The following SPRED1 variants were observed in gnomAD, a reference collection of about 807,000 sequenced individuals.
The protein encoded by SPRED1 is sprouty related EVH1 domain containing 1.
SPRED1 carries 18 observed loss-of-function variants against 52.3 expected under a neutral mutation model. That is an observed-to-expected ratio of 0.34 (90% CI 0.24 to 0.51). The LOEUF is 0.51. Ranked by LOEUF, SPRED1 falls within the 20% of genes least tolerant of loss-of-function variation. SPRED1 has a pLI of 0.97. For synonymous variants in SPRED1, 155 were observed against 179.7 expected (o/e 0.86, Z 1.10); for missense variants, 485 against 551.0 (o/e 0.88, Z 1.20).
At chr15:38,275,062 CATCTG>C (rs1368565999) in intron 1 of SPRED1, among the ~76,000 whole-genome samples, 1 of 152,314 alleles carries the variant, frequency 6.6e-6, no homozygotes, top group East Asian at 1.9e-4. Context: ...CTATTTTTAG[CATCTG>C]CTGATGATTC....
At chr15:38,260,306 A>T (rs1229289889) in intron 1 of SPRED1, among the ~76,000 whole-genome samples, 1 of 152,196 alleles carries the variant, frequency 6.6e-6, no homozygotes, top group Non-Finnish European at 1.5e-5. Flanking sequence ...GGAGCTGCAT[A>T]ATTCCATGTC....
At chr15:38,325,081 A>T (rs8036371) in intron 4 of SPRED1, among the ~76,000 whole-genome samples, 1 of 151,900 alleles carries the variant, frequency 6.6e-6, no homozygotes, top group Non-Finnish European at 1.5e-5. Flanking sequence ...GAAGCAACCC[A>T]CCCACCTCCC....
At position 38,299,025 on chromosome 15, in the gene SPRED1, A is replaced by G. The variant is rs565961607; in HGVS notation, c.33-348A>G. 4.6e-5 allele frequency among the ~76,000 whole-genome samples: 7 copies of G among 152,258 alleles called. No homozygotes were observed. In the East Asian group the frequency reaches 1.2e-3, roughly 25 times the overall value. On this transcript the variant is annotated intron_variant, in intron 1 of 6. Coordinates refer to ENST00000299084, the MANE Select transcript of SPRED1 (RefSeq NM_152594.3). ...TGTAGCAAATGGACATATATAGACAAGTTTTATGGTACCCTGTGTAGTTTG... is the reference window on the plus strand; with the variant it reads ...TGTAGCAAATGGACATATATAGACAGGTTTTATGGTACCCTGTGTAGTTTG...
At chr15:38,349,572 GA>G (rs764046710) in intron 6 of SPRED1, 49 bp downstream of exon 6, 9 of 1,246,008 alleles carry the variant, frequency 7.2e-6, no homozygotes, top group African/African-American at 4.5e-5. Context: ...CTAATTAATA[GA>G]TAGGTAAAGT....
Position 38,277,781 on chromosome 15 carries a change from T to C in SPRED1, c.33-21592T>C, listed in dbSNP as rs987719291. Among the ~76,000 whole-genome samples, 105 of 152,328 alleles carry C rather than the reference T, an allele frequency of 6.9e-4. 1 individual carries two copies. Among genetic ancestry groups the C allele is most frequent in the Middle Eastern group, 3.4e-3 (1 of 294 alleles). On this transcript the variant is annotated intron_variant, in intron 1 of 6. Transcript: ENST00000299084. ...TTCATATCCTTGCCAGCATCTGTTATTTTTTGACTTTTTAAGAATAGCTAT... is the reference window on the plus strand; with the variant it reads ...TTCATATCCTTGCCAGCATCTGTTACTTTTTGACTTTTTAAGAATAGCTAT...
intron 2 of SPRED1, among the ~76,000 whole-genome samples, chr15:38,321,115 C>T (rs1895593662): frequency 6.6e-6 from 1 of 152,126 alleles, no homozygotes; most frequent in Admixed American, 6.5e-5. Context: ...AGGAAATATA[C>T]TCAAGTGTGT....
chr15:38,353,116 A>C lies in SPRED1; in HGVS notation c.*1452A>C, dbSNP rs751531938. 6 of 152,454 alleles carry C rather than the reference A, an allele frequency of 3.9e-5. No individual in the cohort carries two copies. Among genetic ancestry groups the C allele is most frequent in the Non-Finnish European group, 8.8e-5 (6 of 67,924 alleles). The allele number at this position is 152,454 out of a possible 1,614,324, so 9.4% of individuals were successfully genotyped here. A position where few individuals can be genotyped will look rare whatever the true frequency, so the allele number is the denominator to read the frequency against. The stretch of plus-strand genomic sequence containing the variant: ...GGGTTCTTTAAGAACATTCCCTTAG[A>C]GGGATAAAGTTGAGAAGTGTGCCTT... On this transcript the variant is annotated 3_prime_UTR_variant, in exon 7 of 7. Transcript: ENST00000299084.
intron 1 of SPRED1, among the ~76,000 whole-genome samples, chr15:38,285,055 A>G (rs115585464): frequency 3.3e-5 from 5 of 151,880 alleles, no homozygotes; most frequent in Admixed American, 1.3e-4. Flanking sequence ...TATTTTTTTT[A>G]AATATATTTT....
At chr15:38,281,559 ATTTTTT>A (rs542005244) in intron 1 of SPRED1, among the ~76,000 whole-genome samples, 8 of 100,726 alleles carry the variant, frequency 7.9e-5, no homozygotes, top group East Asian at 7.2e-4. Flanking sequence ...TGCCCATCTA[ATTTTTT>A]TTTTTTTTTT....
At chr15:38,304,891 T>C (rs1382681395) in intron 2 of SPRED1, among the ~76,000 whole-genome samples, 1 of 152,234 alleles carries the variant, frequency 6.6e-6, no homozygotes, top group Non-Finnish European at 1.5e-5. Flanking sequence ...TTGTTTTCTT[T>C]TTTAATTTAA....
chr15:38,337,477 C>T (rs1052781657), intron 4 of SPRED1, among the ~76,000 whole-genome samples: 4 of 151,902 alleles, frequency 2.6e-5, no homozygotes, highest in South Asian at 2.1e-4. Context: ...ATTCACTGTG[C>T]GATATGAACT....
At chr15:38,295,255 C>T (rs1005372425) in intron 1 of SPRED1, among the ~76,000 whole-genome samples, 1 of 151,934 alleles carries the variant, frequency 6.6e-6, no homozygotes, top group African/African-American at 2.4e-5. Context: ...AATACACTAA[C>T]ACGATAGCTG....
chr15:38,286,332 G>A (rs993916224), intron 1 of SPRED1, among the ~76,000 whole-genome samples: 1 of 141,832 alleles, frequency 7.1e-6, no homozygotes, highest in Non-Finnish European at 1.5e-5. Context: ...GGCTCTTTTT[G>A]TATGTGTGAC....
intron 1 of SPRED1, among the ~76,000 whole-genome samples, chr15:38,274,645 A>G (rs866365474): frequency 1.3e-5 from 2 of 152,336 alleles, no homozygotes; most frequent in South Asian, 4.1e-4. Flanking sequence ...GATATTATTG[A>G]AATTTCACCG....
intron 6 of SPRED1, 30 bp downstream of exon 6, chr15:38,349,553 G>A (rs1203235318): frequency 7.7e-7 from 1 of 1,294,480 alleles, no homozygotes; most frequent in Non-Finnish European, 1.1e-6. Context: ...CTTGTGATAT[G>A]GAATTTAACT....
rs1242027263 is a variant in SPRED1, at chr15:38,272,191, A to G, written c.32+18974A>G. Among the ~76,000 whole-genome samples, 6 of 151,878 alleles carry G rather than the reference A, an allele frequency of 4.0e-5. No individual in the cohort carries two copies. The East Asian group carries it at 1.2e-3, about 29-fold the overall frequency. On this transcript the variant is annotated intron_variant, in intron 1 of 6. Transcript: ENST00000299084. Reference sequence around the variant, plus strand: ...ATTCCATGTCTTTGCTTCAGTGATCATGAGTGCACGTGTCTTTTTGGTAGA... The same window carrying G: ...ATTCCATGTCTTTGCTTCAGTGATCGTGAGTGCACGTGTCTTTTTGGTAGA...
chr15:38,320,325 A>G (rs1162601043), intron 2 of SPRED1, among the ~76,000 whole-genome samples: 1 of 152,158 alleles, frequency 6.6e-6, no homozygotes, highest in Non-Finnish European at 1.5e-5. Flanking sequence ...TCTGAGGAGA[A>G]GTATTGGTTG....
chr15:38,336,634 A>G (rs1895929167), intron 4 of SPRED1, among the ~76,000 whole-genome samples: 1 of 151,844 alleles, frequency 6.6e-6, no homozygotes, highest in Non-Finnish European at 1.5e-5. Flanking sequence ...CATTTGCAGC[A>G]ACCTGGATGG....
chr15:38,329,242 T>C (rs1895765430), intron 4 of SPRED1, among the ~76,000 whole-genome samples: 2 of 152,196 alleles, frequency 1.3e-5, no homozygotes, highest in African/African-American at 2.4e-5. Flanking sequence ...CTGATTGATA[T>C]GAAGTAAAAC....
Sources: allele counts gnomAD v4.1 joint callset (sites outside exome capture counted in the v4.1 genomes callset), GRCh38; gene constraint gnomAD v4.1.1; transcripts MANE v1.5; gene names NCBI Gene and HGNC (gene_info 2026-07-23, HGNC 2026-07-21).